ZBTB32: variants seen among roughly 807,000 people sequenced by gnomAD.
ZBTB32 encodes zinc finger and BTB domain containing 32, also known as zinc finger and BTB domain-containing protein 32.
A neutral mutation model predicts 45.3 loss-of-function variants in ZBTB32; 28 were observed. The observed-to-expected ratio is 0.62, with a 90% CI of 0.46 to 0.85. The LOEUF (loss-of-function observed/expected upper bound fraction) is 0.85. Ranked by LOEUF, ZBTB32 falls within the 40% of genes least tolerant of loss-of-function variation. The probability of loss-of-function intolerance (pLI) is 0.00; values close to 1 mark genes in which losing one functional copy is unlikely to be tolerated. For missense variants in ZBTB32, 587 were observed against 624.4 expected, an observed-to-expected ratio of 0.94 and a Z score of 0.64; for synonymous variants, 283 against 255.7, an observed-to-expected ratio of 1.11 and a Z score of -1.02.
rs1390880078 is a variant in ZBTB32 at position 35,712,935 on chromosome 19, T to A, written c.-203T>A. 6.6e-6 allele frequency: 1 copy of A among 152,236 alleles called. No individual in the cohort carries two copies. Among genetic ancestry groups the A allele is most frequent in the East Asian group, 1.9e-4 (1 of 5,194 alleles). The allele number at this position is 152,236 out of a possible 1,614,324, so 9.4% of individuals were successfully genotyped here. A position where few individuals can be genotyped will look rare whatever the true frequency, so the allele number is the denominator to read the frequency against. ...TCTGCAGCTGTGTGCTCTGCCGTCA[T>A]CTCTAAGAAACAACCATACCACTGA... On this transcript the variant is annotated 5_prime_UTR_variant, in exon 2 of 7. Coordinates refer to ENST00000392197, the MANE Select transcript of ZBTB32 (RefSeq NM_014383.3).
rs1277231315 is a variant in ZBTB32 at position 35,705,919 on chromosome 19, A to AT, written c.-222+1296_-222+1297insT. Among the ~76,000 whole-genome samples the AT allele has an allele frequency of 2.8e-5, 4 of 143,892 alleles. No individual in the cohort carries two copies. In the Admixed American group the frequency reaches 2.8e-4, roughly 10 times the overall value. The allele number at this position is 143,892 out of a possible 152,430, so 94.4% of individuals were successfully genotyped here. On this transcript the variant is annotated intron_variant, in intron 1 of 6. Coordinates refer to ENST00000392197, the MANE Select transcript of ZBTB32 (RefSeq NM_014383.3). ...GAGCAATGCTCTGTCTCAAAAAAAA[A>AT]AAATTAATTAAAAAAAAAAAAAAGC... is the stretch of plus-strand genomic sequence containing the variant.
At position 35,714,599 on chromosome 19, in the gene ZBTB32, C is replaced by A; in HGVS notation, c.-28C>A. 6.7e-7 allele frequency: 1 copy of A among 1,499,516 alleles called. No individual in the cohort carries two copies. The allele number at this position is 1,499,516 out of a possible 1,614,324, so 92.9% of individuals were successfully genotyped here. On this transcript the variant is annotated 5_prime_UTR_variant, in exon 3 of 7. The change creates a new upstream start codon in the 5' untranslated region. Coordinates refer to ENST00000392197, the MANE Select transcript of ZBTB32 (RefSeq NM_014383.3). ...CACTGTGGACTTCCTCTTAGAGCCT[C>A]TGAGTTAGGTACCCAAGCCAAGGCA...
At chr19:35,713,657 G>C (rs1968767158) in intron 2 of ZBTB32, 1 of 152,272 alleles carries the variant, frequency 6.6e-6, no homozygotes, top group Non-Finnish European at 1.5e-5. Flanking sequence ...TTCGTATCTG[G>C]GTTCCCAGCT....
chr19:35,707,119 C>A (rs1968563991), intron 1 of ZBTB32, among the ~76,000 whole-genome samples: 1 of 150,682 alleles, frequency 6.6e-6, no homozygotes, highest in African/African-American at 2.4e-5. Context: ...GACTTGAGCC[C>A]AGGATGTCAA....
chr19:35,705,942 A>G (rs552405711), intron 1 of ZBTB32, among the ~76,000 whole-genome samples: 2 of 138,584 alleles, frequency 1.4e-5, no homozygotes, highest in South Asian at 2.3e-4. Flanking sequence ...AAAAAAAAAA[A>G]GCAGGGCCAG....
chr19:35,708,233 T>A (rs1337796959), intron 1 of ZBTB32, among the ~76,000 whole-genome samples: 1 of 152,110 alleles, frequency 6.6e-6, no homozygotes, highest in African/African-American at 2.4e-5. Context: ...TGTGTGTACA[T>A]CAGTCAGAGT....
Position 35,714,514 on chromosome 19 carries a change from C to T in ZBTB32, c.-104-9C>T, listed in dbSNP as rs1019063771. On this transcript the variant is annotated splice_polypyrimidine_tract_variant and intron_variant, in intron 2 of 6. Transcript: ENST00000392197. ...CAGCAACTCACACCCTCTCCCCTCA[C>T]ATCCACAGGCTTGAAATGAGATGAG... 9.8e-6 allele frequency: 12 copies of T among 1,230,540 alleles called. No individual in the cohort carries two copies. In the African/African-American group the frequency reaches 1.2e-4, roughly 13 times the overall value. The allele number at this position is 1,230,540 out of a possible 1,614,324, so 76.2% of individuals were successfully genotyped here.
chr19:35,706,999 G>A (rs575044706), intron 1 of ZBTB32, among the ~76,000 whole-genome samples: 4 of 152,020 alleles, frequency 2.6e-5, no homozygotes, highest in African/African-American at 4.8e-5. Flanking sequence ...GTGGGGGCCC[G>A]GGGTGCTGGC....
chr19:35,716,783 C>G lies in ZBTB32; in HGVS notation c.*31C>G. 6.3e-7 allele frequency: 1 copy of G among 1,579,366 alleles called. No homozygotes were observed. The highest frequency in any genetic ancestry group is 8.6e-7 in the Non-Finnish European group (1 of 1,156,262). On this transcript the variant is annotated 3_prime_UTR_variant, in exon 7 of 7. Transcript: ENST00000392197. ...TGTCGGTAGCGTCTTAGCCAAGAGT[C>G]CAATTAAAGAACGAAAAGCGGGCCG...
In ZBTB32 at chr19:35,714,656, C is replaced by T. The variant is rs1452783403; in HGVS notation, c.30C>T (p.Ser10=). The change falls in exon 3 of 7, where the codon AGC becomes AGT. Residue 10 remains serine (S), a synonymous_variant. Transcript: ENST00000392197. Reference sequence around the variant, plus strand: ...CCCTGCCCCCCATAAGACTGCCCAGCCCCTATGGCTCTGATCGGCTGGTAC... The same window carrying T: ...CCCTGCCCCCCATAAGACTGCCCAGTCCCTATGGCTCTGATCGGCTGGTAC... The part of the protein sequence containing the change: MSLPPIRLP[S]PYGSDRLVQL... 1.9e-6 allele frequency: 3 copies of T among 1,577,144 alleles called. No individual in the cohort carries two copies. The highest frequency in any genetic ancestry group is 1.1e-5 in the South Asian group (1 of 87,176).
chr19:35,714,545 C>G lies in ZBTB32; in HGVS notation c.-82C>G. ...CAGGCTTGAAATGAGATGAGATGTT[C>G]CTCCCTCCCCTTTCAACCATGGACC... On this transcript the variant is annotated 5_prime_UTR_variant, in exon 3 of 7. Transcript: ENST00000392197. 9.9e-5 allele frequency: 132 copies of G among 1,339,410 alleles called. No homozygotes were observed. Among genetic ancestry groups the G allele is most frequent in the Middle Eastern group, 1.9e-4 (1 of 5,168 alleles). The allele number at this position is 1,339,410 out of a possible 1,614,324, so 83.0% of individuals were successfully genotyped here. A position where few individuals can be genotyped will look rare whatever the true frequency, so the allele number is the denominator to read the frequency against.
chr19:35,716,688 ACTC>A lies in ZBTB32; in HGVS notation c.1407_1409del (p.Ser470del), dbSNP rs772722781. 2.5e-6 allele frequency: 4 copies of A among 1,608,712 alleles called. No individual in the cohort carries two copies. In the African/African-American group the frequency reaches 4.1e-5, roughly 16 times the overall value. ...TGGACCATCCGCTCCACCTTCCTCT[ACTC>A]CTCCTCGAGGCCGTCTCGGCCCTCG... On this transcript the variant is annotated inframe_deletion, in exon 7 of 7. Transcript: ENST00000392197.
chr19:35,713,423 A>T (rs893375361), intron 2 of ZBTB32: 9 of 152,334 alleles, frequency 5.9e-5, no homozygotes, highest in African/African-American at 1.7e-4. Context: ...AGTAGTTCAG[A>T]GCATGCGGTG....
At chr19:35,706,310 A>G (rs1358947557) in intron 1 of ZBTB32, among the ~76,000 whole-genome samples, 3 of 151,778 alleles carry the variant, frequency 2.0e-5, no homozygotes, top group African/African-American at 7.3e-5. Flanking sequence ...GCCTGTTCTG[A>G]TAATTCCTAG....
chr19:35,704,578 G>C lies in ZBTB32; in HGVS notation c.-267G>C, dbSNP rs1460067302. The C allele has an allele frequency of 6.6e-6, 1 of 152,354 alleles. No individual in the cohort carries two copies. The highest frequency in any genetic ancestry group is 2.4e-5 in the African/African-American group (1 of 41,466). 9.4% of individuals were successfully genotyped at this position (152,354 alleles called of 1,614,324 possible). A position where few individuals can be genotyped will look rare whatever the true frequency, so the allele number is the denominator to read the frequency against. ...CGGTCACTCGGCCTTAAGCCGTCCT[G>C]GGTGTATGTGAGGCTGAAAGGGAAG... On this transcript the variant is annotated 5_prime_UTR_variant, in exon 1 of 7. Coordinates refer to ENST00000392197, the MANE Select transcript of ZBTB32 (RefSeq NM_014383.3).
At chr19:35,712,321 G>C (rs1968725057) in intron 1 of ZBTB32, among the ~76,000 whole-genome samples, 1 of 152,124 alleles carries the variant, frequency 6.6e-6, no homozygotes, top group Non-Finnish European at 1.5e-5. Flanking sequence ...AATTAGCTAG[G>C]CATGGTGGCT....
Position 35,715,950 on chromosome 19 carries a change from C to A in ZBTB32, c.967C>A (p.Gln323Lys). ...ACTGTTCCTTCCAGGTTCCCTCCCC[C>A]AGGGCCCCGCACAGCTCAGCCCTGG... is the stretch of plus-strand genomic sequence containing the variant. ...SSSPTPGSLPQGPAQLSPGEM... is the reference protein window; with the variant it reads ...SSSPTPGSLPKGPAQLSPGEM... Residue 323 changes from glutamine to lysine, a missense_variant, in exon 5 of 7, where the codon CAG (glutamine) becomes AAG (lysine). Physicochemically the swap from Gln to Lys is moderately conservative, Grantham distance 53. Coordinates refer to ENST00000392197, the MANE Select transcript of ZBTB32 (RefSeq NM_014383.3). 1 of 1,613,484 alleles carries A rather than the reference C, an allele frequency of 6.2e-7. No homozygotes were observed. The highest frequency in any genetic ancestry group is 8.5e-7 in the Non-Finnish European group (1 of 1,179,812).
At chr19:35,711,229 C>G (rs1353819710) in intron 1 of ZBTB32, among the ~76,000 whole-genome samples, 1 of 152,180 alleles carries the variant, frequency 6.6e-6, no homozygotes, top group East Asian at 1.9e-4. Context: ...TGTAATCGTC[C>G]AGACCCCTGT....
In ZBTB32 at chr19:35,716,815, C is replaced by T. The variant is rs1242091378; in HGVS notation, c.*63C>T. 1.3e-6 allele frequency: 2 copies of T among 1,541,128 alleles called. No individual in the cohort carries two copies. The highest frequency in any genetic ancestry group is 2.3e-5 in the East Asian group (1 of 44,036). Reference sequence around the variant, plus strand: ...AAGAACGAAAAGCGGGCCGGCTCGGCTTCTGACCTGGCACCGCTGCTACGG... The same window carrying T: ...AAGAACGAAAAGCGGGCCGGCTCGGTTTCTGACCTGGCACCGCTGCTACGG... On this transcript the variant is annotated 3_prime_UTR_variant, in exon 7 of 7. Coordinates refer to ENST00000392197, the MANE Select transcript of ZBTB32 (RefSeq NM_014383.3).
Sources: gnomAD v4.1 joint callset for allele counts (sites outside exome capture counted in the v4.1 genomes callset) on GRCh38, gnomAD v4.1.1 for gene constraint, MANE v1.5 for transcripts, NCBI Gene and HGNC (gene_info 2026-07-23, HGNC 2026-07-21) for gene names.